Variants in KDM8 observed in about 807,000 individuals in gnomAD.
KDM8 encodes bifunctional peptidase and arginyl-hydroxylase JMJD5.
A neutral mutation model predicts 46.9 loss-of-function variants in KDM8; 35 were observed. That is an observed-to-expected ratio of 0.75 (90% CI 0.57 to 0.99). KDM8 has a LOEUF of 0.99. Ranked by LOEUF, KDM8 falls within the 50% of genes least tolerant of loss-of-function variation. The pLI is 0.00. For synonymous variants in KDM8, 232 were observed against 227.7 expected (o/e 1.02, Z -0.17); for missense variants, 475 against 537.0 (o/e 0.88, Z 1.14).
chr16:27,204,561 T>C (rs1426392692), intron 1 of KDM8: 1 of 185,586 alleles, frequency 5.4e-6, no homozygotes, highest in Non-Finnish European at 1.1e-5. Context: ...AGGTGTAGGC[T>C]GATCTGTCCT....
rs2083473180 is a variant in KDM8, at chr16:27,210,586, GC to G, written c.466del (p.Arg156ValfsTer19). On this transcript the variant is annotated frameshift_variant, in exon 2 of 8. Transcript: ENST00000286096. LOFTEE classifies it high-confidence loss of function. ...LQTHLPGKRPARGSLPEQPCT... is the reference protein window; with the variant it reads ...LQTHLPGKRPXRGSLPEQPCT... The stretch of plus-strand genomic sequence containing the variant: ...GACACACCTCCCTGGAAAGAGGCCT[GC>G]CCGTGGCTCCCTCCCAGAGCAACCC... 2 of 1,516,094 alleles carry G rather than the reference GC, an allele frequency of 1.3e-6. No individual in the cohort carries two copies. The highest frequency in any genetic ancestry group is 4.6e-5 in the East Asian group (2 of 43,944). The allele number at this position is 1,516,094 out of a possible 1,614,324, so 93.9% of individuals were successfully genotyped here. A position where few individuals can be genotyped will look rare whatever the true frequency, so the allele number is the denominator to read the frequency against.
At chr16:27,212,272 A>G (rs1376604579) in intron 2 of KDM8, among the ~76,000 whole-genome samples, 2 of 152,252 alleles carry the variant, frequency 1.3e-5, no homozygotes, top group African/African-American at 4.8e-5. Context: ...GCAAAACAGC[A>G]TTTCATCTTT....
intron 3 of KDM8, 29 bp from the exon 4 acceptor site, chr16:27,214,847 G>A: frequency 1.2e-6 from 2 of 1,613,420 alleles, no homozygotes; most frequent in Non-Finnish European, 8.5e-7. Context: ...TATTAGCAGT[G>A]ACGATGCCAA....
Position 27,206,298 on chromosome 16 carries a change from A to C in KDM8, c.-32+2662A>C, listed in dbSNP as rs1230412908. 3 of 778,740 alleles carry C rather than the reference A, an allele frequency of 3.9e-6. No individual in the cohort carries two copies. The African/African-American group carries it at 5.7e-5, about 15-fold the overall frequency. 48.2% of individuals were successfully genotyped at this position (778,740 alleles called of 1,614,324 possible). On this transcript the variant is annotated intron_variant, in intron 1 of 7. Coordinates refer to ENST00000286096, the MANE Select transcript of KDM8 (RefSeq NM_024773.3). ...TTTTTTTTTTTTTCGGGAGGGACAG[A>C]CTCTTGCTCTGTCACCCAAGCTGGA...
intron 4 of KDM8, 100 bp from the exon 5 acceptor site, chr16:27,215,845 G>A (rs1410296054): frequency 8.2e-7 from 1 of 1,218,404 alleles, no homozygotes. Context: ...AAGGGTGACG[G>A]GTGCTGCAGC....
At chr16:27,214,641 C>G in intron 3 of KDM8, 1 of 484,188 alleles carries the variant, frequency 2.1e-6, no homozygotes, top group Non-Finnish European at 3.7e-6. Flanking sequence ...CCCAGCCAAC[C>G]AGACTTACCG....
chr16:27,204,394 A>G (rs1007181972), intron 1 of KDM8: 69 of 1,234,248 alleles, frequency 5.6e-5, no homozygotes, highest in Middle Eastern at 6.1e-4. Context: ...TAGAGAGCCA[A>G]AGGGATCCCT....
intron 2 of KDM8, chr16:27,211,506 G>A (rs1358522061): frequency 1.4e-5 from 3 of 222,008 alleles, no homozygotes; most frequent in Middle Eastern, 1.9e-3. Flanking sequence ...ACCCAAGCAA[G>A]TCACTTAACC....
rs769271687 is a variant in KDM8, at chr16:27,214,978, C to T, written c.768C>T (p.Asn256=). ...EEWSQTLMTV[N]EFISKYIVNE... ...GGTCCCAGACCCTCATGACGGTCAA[C>T]GAGTTCATCAGCAAATACATCGTGA... is the stretch of plus-strand genomic sequence containing the variant. The change falls in exon 4 of 8, where the codon AAC becomes AAT. Residue 256 remains asparagine (N), a synonymous_variant. Transcript: ENST00000286096. 9.3e-6 allele frequency: 15 copies of T among 1,614,018 alleles called. No homozygotes were observed. Among genetic ancestry groups the T allele is most frequent in the Admixed American group, 1.7e-5 (1 of 60,002 alleles).
chr16:27,220,760 G>A lies in KDM8; in HGVS notation c.*30G>A. The A allele has an allele frequency of 6.2e-7, 1 of 1,611,682 alleles. No individual in the cohort carries two copies. Among genetic ancestry groups the A allele is most frequent in the Non-Finnish European group, 8.5e-7 (1 of 1,177,766 alleles). On this transcript the variant is annotated 3_prime_UTR_variant, in exon 8 of 8. Coordinates refer to ENST00000286096, the MANE Select transcript of KDM8 (RefSeq NM_024773.3). ...GATAGGAGCTGAAAGGGCCTGACAT[G>A]CAGACAGCATTCATCTGTTCACTAA...
chr16:27,219,615 C>T (rs1385619173), intron 6 of KDM8, among the ~76,000 whole-genome samples: 2 of 152,216 alleles, frequency 1.3e-5, no homozygotes, highest in Admixed American at 6.5e-5. Flanking sequence ...AGAACGTTCT[C>T]CTACCCCAGC....
chr16:27,215,118 T>C, intron 4 of KDM8, 110 bp downstream of exon 4: 6 of 1,282,444 alleles, frequency 4.7e-6, no homozygotes, highest in Non-Finnish European at 6.6e-6. Flanking sequence ...GGAGCCAGGC[T>C]GTAAGTCTGT....
In KDM8 at chr16:27,220,491, C is replaced by G; in HGVS notation, c.1086+6C>G. ...TTCTCCATAACACGAGCCAGGTGGGCACTGGGGGTCTGGGGTGACGTTGCA... is the reference window on the plus strand; with the variant it reads ...TTCTCCATAACACGAGCCAGGTGGGGACTGGGGGTCTGGGGTGACGTTGCA... On this transcript the variant is annotated splice_donor_region_variant and intron_variant, in intron 7 of 7. Transcript: ENST00000286096. The G allele has an allele frequency of 6.2e-7, 1 of 1,614,048 alleles. No homozygotes were observed. The highest frequency in any genetic ancestry group is 1.1e-5 in the South Asian group (1 of 91,078).
At chr16:27,208,223 A>AGGCC (rs1236258994) in intron 1 of KDM8, among the ~76,000 whole-genome samples, 1 of 152,234 alleles carries the variant, frequency 6.6e-6, no homozygotes, top group Admixed American at 6.5e-5. Flanking sequence ...AGTAGCAGAT[A>AGGCC]GGCCGCCTAT....
At position 27,210,204 on chromosome 16, in the gene KDM8, G is replaced by T; in HGVS notation, c.81G>T (p.Pro27=). The change falls in exon 2 of 8, where the codon CCG becomes CCT. Residue 27 remains proline, a synonymous_variant. Transcript: ENST00000286096. ...GGGAGGCCCTCAGGGCGCTCCTGCC[G>T]CACAGTAAAGAAGACCTGAAGTTGG... ...TLWEALRALL[P]HSKEDLKLDL... is the part of the protein sequence containing the mutation. The T allele has an allele frequency of 6.2e-7, 1 of 1,613,372 alleles. No homozygotes were observed. Among genetic ancestry groups the T allele is most frequent in the Non-Finnish European group, 8.5e-7 (1 of 1,180,020 alleles).
intron 2 of KDM8, chr16:27,211,122 T>C (rs2083480192): frequency 6.8e-6 from 1 of 148,010 alleles, no homozygotes; most frequent in Non-Finnish European, 1.4e-5. Flanking sequence ...ATTTTCTCTC[T>C]TTTTTTTTTT....
rs1015987947 is a variant in KDM8, at chr16:27,221,602, C to G, written c.*872C>G. On this transcript the variant is annotated 3_prime_UTR_variant, in exon 8 of 8. Transcript: ENST00000286096. ...ACCATCCCCCAGAAGTAATGACTCT[C>G]AAACCTGGGGGATTTGAGGCCAGGG... 1.3e-4 allele frequency: 20 copies of G among 152,292 alleles called. No individual in the cohort carries two copies. The highest frequency in any genetic ancestry group is 2.8e-4 in the Non-Finnish European group (19 of 68,098). 9.4% of individuals were successfully genotyped at this position (152,292 alleles called of 1,614,324 possible).
In KDM8 at chr16:27,210,147, C is replaced by G; in HGVS notation, c.24C>G (p.Pro8=). 1 of 1,613,258 alleles carries G rather than the reference C, an allele frequency of 6.2e-7. No individual in the cohort carries two copies. The highest frequency in any genetic ancestry group is 8.5e-7 in the Non-Finnish European group (1 of 1,179,932). MAGDTHC[P]AEPLAREGTL... is the part of the protein sequence containing the mutation. ...CGATGGCTGGAGACACCCACTGCCC[C>G]GCAGAGCCCCTGGCCAGAGAAGGCA... is the stretch of plus-strand genomic sequence containing the variant. Residue 8 remains proline, a synonymous_variant, in exon 2 of 8, where the codon CCC becomes CCG. Transcript: ENST00000286096.
At position 27,213,702 on chromosome 16, in the gene KDM8, G is replaced by C. The variant is rs758199328; in HGVS notation, c.616G>C (p.Val206Leu). ...GCAGTTTTTGGTTCCAGGGAGGCCC[G>C]TGATCCTGAAAGGCGTGGCTGACCA... is the stretch of plus-strand genomic sequence containing the variant. The part of the protein sequence containing the change: ...REQFLVPGRP[V>L]ILKGVADHWP... Residue 206 changes from valine to leucine, a missense_variant, in exon 3 of 8, where the codon GTG becomes CTG. Transcript: ENST00000286096. 6.2e-7 allele frequency: 1 copy of C among 1,614,194 alleles called. No homozygotes were observed. The highest frequency in any genetic ancestry group is 1.1e-5 in the South Asian group (1 of 91,086).
Sources: gnomAD v4.1 joint callset for allele counts (sites outside exome capture counted in the v4.1 genomes callset) on GRCh38, gnomAD v4.1.1 for gene constraint, MANE v1.5 for transcripts, NCBI Gene and HGNC (gene_info 2026-07-23, HGNC 2026-07-21) for gene names.